Variants in ZEB1 observed in about 807,000 individuals in gnomAD.
The protein encoded by ZEB1 is zinc finger E-box-binding homeobox 1.
A neutral mutation model predicts 84.9 loss-of-function variants in ZEB1; 21 were observed. The observed-to-expected ratio is 0.25, with a 90% CI of 0.18 to 0.36. The LOEUF (loss-of-function observed/expected upper bound fraction) is 0.36. Ranked by LOEUF, ZEB1 falls within the 10% of genes least tolerant of loss-of-function variation. The pLI is 1.00. For missense variants in ZEB1, 1,104 were observed against 1,330.2 expected (o/e 0.83, Z 2.65); for synonymous variants, 420 against 471.1 (o/e 0.89, Z 1.41).
chr10:31,514,470 G>T (rs1279379539), intron 5 of ZEB1, 133 bp from the exon 6 acceptor site: 5 of 721,096 alleles, frequency 6.9e-6, no homozygotes, highest in Non-Finnish European at 1.1e-5. Flanking sequence ...TGTGACTGCT[G>T]CAATTTGAGG....
At chr10:31,368,013 T>C (rs959424751) in intron 1 of ZEB1, among the ~76,000 whole-genome samples, 19 of 151,984 alleles carry the variant, frequency 1.3e-4, no homozygotes, top group Non-Finnish European at 2.6e-4. Context: ...ATATATTTAC[T>C]CTATATGGAT....
At chr10:31,427,636 G>A (rs753559267) in intron 1 of ZEB1, among the ~76,000 whole-genome samples, 14 of 152,050 alleles carry the variant, frequency 9.2e-5, no homozygotes, top group East Asian at 1.9e-4. Context: ...GGTGGATCAC[G>A]AGGTCAGGAG....
chr10:31,428,845 A>G (rs1305634624), intron 1 of ZEB1, among the ~76,000 whole-genome samples: 3 of 152,298 alleles, frequency 2.0e-5, no homozygotes, highest in Admixed American at 2.0e-4. Context: ...TGTTTGGTTT[A>G]AAGTCTGTTT....
intron 4 of ZEB1, among the ~76,000 whole-genome samples, chr10:31,504,355 G>A (rs900896075): frequency 2.6e-5 from 4 of 151,874 alleles, no homozygotes; most frequent in African/African-American, 7.2e-5. Flanking sequence ...TTTCCTTACT[G>A]TACCTTGTAT....
At chr10:31,451,058 G>A (rs929743293) in intron 1 of ZEB1, among the ~76,000 whole-genome samples, 1 of 152,136 alleles carries the variant, frequency 6.6e-6, no homozygotes, top group Non-Finnish European at 1.5e-5. Context: ...AAATTTACCT[G>A]TGAAAACACC....
At chr10:31,319,564 A>C (rs1213288508) in intron 1 of ZEB1, 4 of 427,850 alleles carry the variant, frequency 9.3e-6, no homozygotes, top group East Asian at 4.2e-5. Context: ...GCCTCCCTGG[A>C]CCGTTAGCCG....
chr10:31,388,245 A>G lies in ZEB1; in HGVS notation c.58+68953A>G, dbSNP rs143400911. ...ATTGTAATTCCCAGTATTCTGTAGTATTAACAATGAGACTTAAAGTACTGG... is the reference window on the plus strand; with the variant it reads ...ATTGTAATTCCCAGTATTCTGTAGTGTTAACAATGAGACTTAAAGTACTGG... On this transcript the variant is annotated intron_variant, in intron 1 of 8. Transcript: ENST00000424869. 8.5e-3 allele frequency among the ~76,000 whole-genome samples: 1,289 copies of G among 152,298 alleles called. 12 individuals are homozygous for G. Among genetic ancestry groups the G allele is most frequent in the Non-Finnish European group, 0.012 (823 of 67,992 alleles).
intron 1 of ZEB1, among the ~76,000 whole-genome samples, chr10:31,398,076 ATG>A (rs2051160829): frequency 6.6e-6 from 1 of 152,202 alleles, no homozygotes; most frequent in African/African-American, 2.4e-5. Flanking sequence ...TCAAAGAACT[ATG>A]TGAATATGAA....
chr10:31,481,356 T>G (rs2065019205), intron 2 of ZEB1, among the ~76,000 whole-genome samples: 1 of 151,990 alleles, frequency 6.6e-6, no homozygotes, highest in African/African-American at 2.4e-5. Flanking sequence ...TGACACCCAG[T>G]AGTAGTGAAC....
chr10:31,496,347 T>C (rs1168562593), intron 3 of ZEB1, among the ~76,000 whole-genome samples: 2 of 152,038 alleles, frequency 1.3e-5, no homozygotes, highest in East Asian at 3.8e-4. Context: ...TTCTTAAATT[T>C]TCTGTGATTG....
At chr10:31,522,973 G>C (rs551873383) in intron 7 of ZEB1, among the ~76,000 whole-genome samples, 1 of 152,170 alleles carries the variant, frequency 6.6e-6, no homozygotes, top group Non-Finnish European at 1.5e-5. Context: ...GCCATCCTTA[G>C]CATTTCATAG....
chr10:31,467,844 C>T (rs1008636661), intron 2 of ZEB1, among the ~76,000 whole-genome samples: 1 of 152,098 alleles, frequency 6.6e-6, no homozygotes, highest in East Asian at 1.9e-4. Context: ...GCCTCATAGC[C>T]TTGCTTTCTG....
At chr10:31,392,135 C>A (rs537957385) in intron 1 of ZEB1, among the ~76,000 whole-genome samples, 10 of 152,220 alleles carry the variant, frequency 6.6e-5, no homozygotes, top group African/African-American at 2.2e-4. Flanking sequence ...CTAATGCTTT[C>A]TTCTGTTCTG....
At chr10:31,361,536 G>A (rs1367553197) in intron 1 of ZEB1, among the ~76,000 whole-genome samples, 1 of 152,240 alleles carries the variant, frequency 6.6e-6, no homozygotes, top group East Asian at 1.9e-4. Flanking sequence ...GCCAGGCAGA[G>A]ACCCTCCTCA....
intron 8 of ZEB1, among the ~76,000 whole-genome samples, chr10:31,525,778 A>G (rs1479873198): frequency 4.6e-5 from 7 of 152,208 alleles, no homozygotes; most frequent in Non-Finnish European, 1.0e-4. Flanking sequence ...TACATAAGAG[A>G]AAGTCACACC....
chr10:31,347,937 G>T (rs2040603856), intron 1 of ZEB1, among the ~76,000 whole-genome samples: 1 of 152,172 alleles, frequency 6.6e-6, no homozygotes, highest in Non-Finnish European at 1.5e-5. Flanking sequence ...AGGGGAATTA[G>T]TGGGGACATT....
At chr10:31,394,941 G>A (rs1344364545) in intron 1 of ZEB1, among the ~76,000 whole-genome samples, 4 of 150,562 alleles carry the variant, frequency 2.7e-5, no homozygotes, top group Non-Finnish European at 5.9e-5. Flanking sequence ...ATGAGGGGAT[G>A]AAGAATCATA....
chr10:31,374,202 A>G (rs2046215898), intron 1 of ZEB1, among the ~76,000 whole-genome samples: 1 of 151,878 alleles, frequency 6.6e-6, no homozygotes, highest in Admixed American at 6.6e-5. Flanking sequence ...TGCGATTCAC[A>G]TAGTTTAAGT....
At position 31,528,031 on chromosome 10, in the gene ZEB1, C is replaced by G. The variant is rs942176103; in HGVS notation, c.*767C>G. ...AACAATGTTAATCTGATAAGGACAG[C>G]AAAATCATCAGAATCAGTGTTTGTG... On this transcript the variant is annotated 3_prime_UTR_variant, in exon 9 of 9. Coordinates refer to ENST00000424869, the MANE Select transcript of ZEB1 (RefSeq NM_001174096.2). 3 of 152,144 alleles carry G rather than the reference C, an allele frequency of 2.0e-5. No homozygotes were observed. Among genetic ancestry groups the G allele is most frequent in the African/African-American group, 7.2e-5 (3 of 41,430 alleles). The allele number at this position is 152,144 out of a possible 1,614,324, so 9.4% of individuals were successfully genotyped here.
Sources: allele counts gnomAD v4.1 joint callset (sites outside exome capture counted in the v4.1 genomes callset), GRCh38; gene constraint gnomAD v4.1.1; transcripts MANE v1.5; gene names NCBI Gene and HGNC (gene_info 2026-07-23, HGNC 2026-07-21).